CEP170: variants seen among roughly 807,000 people sequenced by gnomAD.
The protein encoded by CEP170 is centrosomal protein 170.
Under a neutral mutation model 151.9 loss-of-function variants are expected in CEP170, and 21 were observed. That is an observed-to-expected ratio of 0.14 (90% confidence interval 0.10 to 0.20). The LOEUF (loss-of-function observed/expected upper bound fraction) is 0.20. CEP170 is among the 10% of genes least tolerant of loss of function. CEP170 has a pLI of 1.00. For missense variants in CEP170, 964 were observed against 1,892.9 expected (o/e 0.51, Z 9.11); for synonymous variants, 356 against 648.8 (o/e 0.55, Z 6.86).
intron 8 of CEP170, among the ~76,000 whole-genome samples, chr1:243,189,456 T>G (rs1055993322): frequency 6.7e-6 from 1 of 149,716 alleles, no homozygotes; most frequent in African/African-American, 2.5e-5. Flanking sequence ...CTCGGGAGGC[T>G]GAGGCAGGAG....
intron 1 of CEP170, 148 bp downstream of exon 1, chr1:243,254,892 C>T (rs1459630384): frequency 6.6e-6 from 1 of 152,048 alleles, no homozygotes; most frequent in African/African-American, 2.4e-5. Context: ...CGGGAAGCGC[C>T]CCCTTCGCGG....
intron 17 of CEP170, among the ~76,000 whole-genome samples, chr1:243,130,999 T>C (rs1387192709): frequency 2.6e-5 from 4 of 152,170 alleles, no homozygotes; most frequent in Admixed American, 6.5e-5. Flanking sequence ...AATGGACTTA[T>C]ACAATAGAGA....
chr1:243,130,115 T>G (rs2054222669), intron 17 of CEP170, among the ~76,000 whole-genome samples: 1 of 152,108 alleles, frequency 6.6e-6, no homozygotes, highest in Non-Finnish European at 1.5e-5. Flanking sequence ...GAAAAGACTG[T>G]GTAACTGTCA....
intron 4 of CEP170, chr1:243,211,490 T>C (rs559443899): frequency 6.1e-6 from 1 of 164,118 alleles, no homozygotes; most frequent in Admixed American, 6.3e-5. Context: ...TTTAAATTCT[T>C]ACATTCATCC....
chr1:243,222,617 G>A (rs1471651547), intron 2 of CEP170, among the ~76,000 whole-genome samples: 1 of 152,142 alleles, frequency 6.6e-6, no homozygotes, highest in East Asian at 1.9e-4. Context: ...TGTGAACCCT[G>A]GTATACTAAA....
chr1:243,141,357 T>C (rs555989361), intron 15 of CEP170, among the ~76,000 whole-genome samples: 5 of 152,382 alleles, frequency 3.3e-5, no homozygotes, highest in African/African-American at 7.2e-5. Flanking sequence ...CCATAGATGA[T>C]AGTTAAATAA....
At chr1:243,243,324 AAGGGT>A (rs1201534798) in intron 1 of CEP170, among the ~76,000 whole-genome samples, 2 of 152,150 alleles carry the variant, frequency 1.3e-5, no homozygotes, top group Non-Finnish European at 2.9e-5. Flanking sequence ...GTAGGTAAAG[AAGGGT>A]AGGGGGACAG....
chr1:243,231,833 G>T (rs1189337389), intron 1 of CEP170, among the ~76,000 whole-genome samples: 3 of 152,110 alleles, frequency 2.0e-5, no homozygotes, highest in African/African-American at 7.2e-5. Flanking sequence ...CTTTATGCTG[G>T]GTGCGGTGGC....
rs192900069 is a variant in CEP170 at position 243,244,482 on chromosome 1, C to A, written c.-42+10558G>T. 1.1e-4 allele frequency among the ~76,000 whole-genome samples: 17 copies of A among 152,268 alleles called. No homozygotes were observed. In the East Asian group the frequency reaches 3.1e-3, roughly 28 times the overall value. On this transcript the variant is annotated intron_variant, in intron 1 of 19. Transcript: ENST00000366542. Reference sequence around the variant, plus strand: ...TCTGGGCCAGGAGCCGTGGCTCACGCCTGTAATCACAGCACTTTGGGAGTC... The same window carrying A: ...TCTGGGCCAGGAGCCGTGGCTCACGACTGTAATCACAGCACTTTGGGAGTC...
chr1:243,140,021 A>T lies in CEP170; in HGVS notation c.4146T>A (p.Gly1382=), dbSNP rs758881302. ...CTTGAGGTCTTGGATCACCAGATCG[A>T]CCGTTGTTTCCTTCTGGTGTTTTGG... The part of the protein sequence containing the change: ...VHSKTPEGNN[G]RSGDPRPQAA... Residue 1382 remains glycine (G), a synonymous_variant, in exon 16 of 20, where the codon GGT becomes GGA. Coordinates refer to ENST00000366542, the MANE Select transcript of CEP170 (RefSeq NM_014812.3). 6 of 1,614,000 alleles carry T rather than the reference A, an allele frequency of 3.7e-6. No individual in the cohort carries two copies. Among genetic ancestry groups the T allele is most frequent in the Non-Finnish European group, 5.1e-6 (6 of 1,179,886 alleles).
At chr1:243,172,588 T>A in intron 11 of CEP170, 109 bp downstream of exon 11, 1 of 868,050 alleles carries the variant, frequency 1.2e-6, no homozygotes, top group African/African-American at 1.8e-5. Context: ...GCCGAGATCC[T>A]GCCATTGCAC....
At chr1:243,198,595 C>A (rs971953204) in intron 7 of CEP170, among the ~76,000 whole-genome samples, 2 of 151,998 alleles carry the variant, frequency 1.3e-5, no homozygotes, top group Admixed American at 6.6e-5. Flanking sequence ...TGGCTTGAGT[C>A]CAGGAGTTCA....
intron 1 of CEP170, among the ~76,000 whole-genome samples, chr1:243,236,401 C>T (rs2064260232): frequency 6.6e-6 from 1 of 152,176 alleles, no homozygotes; most frequent in Non-Finnish European, 1.5e-5. Flanking sequence ...ACAACGAGTT[C>T]TCTAACACTC....
At chr1:243,219,260 A>G (rs191707599) in intron 3 of CEP170, among the ~76,000 whole-genome samples, 53 of 152,366 alleles carry the variant, frequency 3.5e-4, no homozygotes, top group Middle Eastern at 3.4e-3. Context: ...TAGCTGAAGC[A>G]AGATTCTGCA....
Position 243,126,444 on chromosome 1 carries a change from G to C in CEP170, c.*5C>G, listed in dbSNP as rs766675783. On this transcript the variant is annotated 3_prime_UTR_variant, in exon 20 of 20. Transcript: ENST00000366542. ...GGTAATGATTTTTCAACAATCAAGA[G>C]AAAGTCATTCTTGTACTGTAACATC... is the stretch of plus-strand genomic sequence containing the variant. 2 of 1,601,540 alleles carry C rather than the reference G, an allele frequency of 1.2e-6. No individual in the cohort carries two copies. The highest frequency in any genetic ancestry group is 1.7e-6 in the Non-Finnish European group (2 of 1,172,470).
intron 17 of CEP170, among the ~76,000 whole-genome samples, chr1:243,130,653 C>T (rs2054290310): frequency 6.6e-6 from 1 of 151,900 alleles, no homozygotes. Context: ...TGTATTACTA[C>T]TGCAAGCTGA....
chr1:243,185,655 C>G lies in CEP170; in HGVS notation c.1566+124G>C. On this transcript the variant is annotated intron_variant, in intron 10 of 19. Transcript: ENST00000366542. The surrounding 1 kb of genome is among the most constrained non-coding windows in gnomAD (Gnocchi z 4.9). ...ACTGTTAAGTCTTGCAGTTCCCTAACAAAACCCTAAAATTCACATACCACT... is the reference window on the plus strand; with the variant it reads ...ACTGTTAAGTCTTGCAGTTCCCTAAGAAAACCCTAAAATTCACATACCACT... The G allele has an allele frequency of 7.2e-7, 1 of 1,396,490 alleles. No individual in the cohort carries two copies. Among genetic ancestry groups the G allele is most frequent in the Non-Finnish European group, 9.7e-7 (1 of 1,033,002 alleles). 86.5% of individuals were successfully genotyped at this position (1,396,490 alleles called of 1,614,324 possible).
At chr1:243,247,582 G>C (rs1252652096) in intron 1 of CEP170, among the ~76,000 whole-genome samples, 1 of 152,168 alleles carries the variant, frequency 6.6e-6, no homozygotes, top group Non-Finnish European at 1.5e-5. Context: ...TCGAACTCCT[G>C]ACCTCAGGTG....
At chr1:243,252,120 A>G (rs2065988991) in intron 1 of CEP170, among the ~76,000 whole-genome samples, 1 of 152,152 alleles carries the variant, frequency 6.6e-6, no homozygotes, top group Non-Finnish European at 1.5e-5. Context: ...TCTTAATGAA[A>G]CAGATCAACA....
Sources: allele counts gnomAD v4.1 joint callset (sites outside exome capture counted in the v4.1 genomes callset), GRCh38; gene constraint gnomAD v4.1.1; non-coding constraint Gnocchi (gnomAD v3.1); transcripts MANE v1.5; gene names NCBI Gene and HGNC (gene_info 2026-07-23, HGNC 2026-07-21).